The following SCN4B variants were observed in gnomAD, a reference collection of about 807,000 sequenced individuals.
SCN4B encodes sodium channel regulatory subunit beta-4.
Under a neutral mutation model 19.6 loss-of-function variants are expected in SCN4B, and 20 were observed. That is an observed-to-expected ratio of 1.02 (90% CI 0.72 to 1.48). The LOEUF (loss-of-function observed/expected upper bound fraction) is 1.48. Ranked by LOEUF, SCN4B falls within the 40% of genes most tolerant of loss-of-function variation. SCN4B has a pLI of 0.00. For synonymous variants in SCN4B, 127 were observed against 122.8 expected (o/e 1.03, Z -0.22); for missense variants, 271 against 287.5 (o/e 0.94, Z 0.42).
In SCN4B at chr11:118,148,152, G is replaced by A. The variant is rs1245450415; in HGVS notation, c.62-2923C>T. Among the ~76,000 whole-genome samples the A allele has an allele frequency of 2.0e-5, 3 of 152,216 alleles. No individual in the cohort carries two copies. The highest frequency in any genetic ancestry group is 7.2e-5 in the African/African-American group (3 of 41,462). On this transcript the variant is annotated intron_variant, in intron 1 of 4. Coordinates refer to ENST00000324727, the MANE Select transcript of SCN4B (RefSeq NM_174934.4). The surrounding 1 kb of genome is among the most constrained non-coding windows in gnomAD (Gnocchi z 4.0). ...GCCATTTCCTCAGTAGCTGGGAGGG[G>A]AAAATGAAAACCGGCAGAAATGGTT...
intron 1 of SCN4B, 83 bp from the exon 2 acceptor site, chr11:118,145,312 C>A (rs748071872): frequency 1.3e-6 from 2 of 1,594,986 alleles, no homozygotes; most frequent in Non-Finnish European, 8.5e-7. Context: ...GGCGGAGTAG[C>A]TTGGCCAGGC....
Position 118,152,730 on chromosome 11 carries a change from C to A in SCN4B, c.-57G>T. On this transcript the variant is annotated 5_prime_UTR_variant, in exon 1 of 5. Transcript: ENST00000324727. Reference sequence around the variant, plus strand: ...GCGGGGATGGGATACTGGGCACAGCCGCGCTCTCCGCCCGAGGTCGGCGTT... The same window carrying A: ...GCGGGGATGGGATACTGGGCACAGCAGCGCTCTCCGCCCGAGGTCGGCGTT... 1 of 1,392,156 alleles carries A rather than the reference C, an allele frequency of 7.2e-7. No individual in the cohort carries two copies. Among genetic ancestry groups the A allele is most frequent in the Non-Finnish European group, 9.8e-7 (1 of 1,015,484 alleles). 86.2% of individuals were successfully genotyped at this position (1,392,156 alleles called of 1,614,324 possible). A position where few individuals can be genotyped will look rare whatever the true frequency, so the allele number is the denominator to read the frequency against.
chr11:118,137,323 C>T (rs1356831394), intron 4 of SCN4B, among the ~76,000 whole-genome samples: 5 of 152,286 alleles, frequency 3.3e-5, no homozygotes, highest in South Asian at 2.1e-4. Flanking sequence ...TGACCTTCTG[C>T]GTGGGGTTGC....
chr11:118,140,123 G>T (rs1345765321), intron 4 of SCN4B, among the ~76,000 whole-genome samples: 1 of 152,070 alleles, frequency 6.6e-6, no homozygotes, highest in African/African-American at 2.4e-5. Flanking sequence ...TGACAAATTT[G>T]TTCTCCATCC....
At chr11:118,149,941 C>T (rs189937211) in intron 1 of SCN4B, among the ~76,000 whole-genome samples, 70 of 152,318 alleles carry the variant, frequency 4.6e-4, no homozygotes, top group African/African-American at 1.5e-3. Flanking sequence ...CAGATTCAAA[C>T]CCAGGATTCC....
In SCN4B at chr11:118,134,573, C is replaced by T. The variant is rs1358222449; in HGVS notation, c.*2454G>A. ...AATGCCCCCCCTACAATCTCAGTCA[C>T]CTCTATTGAAAACCATCAAACAAAA... On this transcript the variant is annotated 3_prime_UTR_variant, in exon 5 of 5. Coordinates refer to ENST00000324727, the MANE Select transcript of SCN4B (RefSeq NM_174934.4). 1 of 454,082 alleles carries T rather than the reference C, an allele frequency of 2.2e-6. No individual in the cohort carries two copies. Among genetic ancestry groups the T allele is most frequent in the South Asian group, 1.6e-5 (1 of 64,476 alleles). 28.1% of individuals were successfully genotyped at this position (454,082 alleles called of 1,614,324 possible). A position where few individuals can be genotyped will look rare whatever the true frequency, so the allele number is the denominator to read the frequency against.
In SCN4B at chr11:118,136,342, G is replaced by A. The variant is rs1484818460; in HGVS notation, c.*685C>T. ...CCCCTCAGTAACCCAGAGAGCAGAG[G>A]AGCAGGCTAGGTGGCCAGGAACCCT... On this transcript the variant is annotated 3_prime_UTR_variant, in exon 5 of 5. Transcript: ENST00000324727. 2.2e-6 allele frequency: 1 copy of A among 453,918 alleles called. No individual in the cohort carries two copies. Among genetic ancestry groups the A allele is most frequent in the Admixed American group, 2.3e-5 (1 of 42,576 alleles). The allele number at this position is 453,918 out of a possible 1,614,324, so 28.1% of individuals were successfully genotyped here. A position where few individuals can be genotyped will look rare whatever the true frequency, so the allele number is the denominator to read the frequency against.
Position 118,136,038 on chromosome 11 carries a change from G to GC in SCN4B, c.*988_*989insG, listed in dbSNP as rs5795119. ...GGCAGGGCGTGATGGAGGGCACGGT[G>GC]GGGGGGGGGGAGCGAGCCAATGGGA... On this transcript the variant is annotated 3_prime_UTR_variant, in exon 5 of 5. Transcript: ENST00000324727. 6.8e-5 allele frequency: 4 copies of GC among 59,162 alleles called. No homozygotes were observed. The highest frequency in any genetic ancestry group is 5.1e-4 in the African/African-American group (4 of 7,874). The allele number at this position is 59,162 out of a possible 1,614,324, so 3.7% of individuals were successfully genotyped here.
chr11:118,135,385 A>T lies in SCN4B; in HGVS notation c.*1642T>A, dbSNP rs545680911. Reference sequence around the variant, plus strand: ...TCTGAGGTAGACCCCAAACTCTCTGAAAAAGGGGGCTACTCCTCTCTCATC... The same window carrying T: ...TCTGAGGTAGACCCCAAACTCTCTGTAAAAGGGGGCTACTCCTCTCTCATC... On this transcript the variant is annotated 3_prime_UTR_variant, in exon 5 of 5. Coordinates refer to ENST00000324727, the MANE Select transcript of SCN4B (RefSeq NM_174934.4). 4.4e-6 allele frequency: 2 copies of T among 454,064 alleles called. No individual in the cohort carries two copies. The highest frequency in any genetic ancestry group is 3.1e-5 in the South Asian group (2 of 64,468). The allele number at this position is 454,064 out of a possible 1,614,324, so 28.1% of individuals were successfully genotyped here. A position where few individuals can be genotyped will look rare whatever the true frequency, so the allele number is the denominator to read the frequency against.
rs758149196 is a variant in SCN4B, at chr11:118,145,194, C to A, written c.97G>T (p.Val33Leu). ...FLLPVTLSLE[V>L]SVGKATDIYA... ...ATGTCGGTGGCCTTTCCCACAGACA[C>A]CTCCAGCGACAGGGTTACGGGGAGC... Residue 33 changes from valine (V) to leucine (L), a missense_variant, in exon 2 of 5, where the codon GTG becomes TTG. Coordinates refer to ENST00000324727, the MANE Select transcript of SCN4B (RefSeq NM_174934.4). The A allele has an allele frequency of 6.3e-7, 1 of 1,599,860 alleles. No homozygotes were observed. The highest frequency in any genetic ancestry group is 8.5e-7 in the Non-Finnish European group (1 of 1,174,116).
At chr11:118,140,215 C>T (rs902168478) in intron 4 of SCN4B, among the ~76,000 whole-genome samples, 1 of 152,226 alleles carries the variant, frequency 6.6e-6, no homozygotes, top group Non-Finnish European at 1.5e-5. Flanking sequence ...CCAAAACCCT[C>T]ACAGCCTCTG....
rs1948135001 is a variant in SCN4B at position 118,143,982 on chromosome 11, C to T, written c.314G>A (p.Gly105Asp). The change falls in exon 3 of 5, where the codon GGC becomes GAC. Residue 105 changes from glycine to aspartate, a missense_variant. Gly to Asp is a moderately conservative substitution (Grantham distance 94). Transcript: ENST00000324727. ...LKDDDRITLV[G>D]STKEKMNNIS... ...GTTGTTCATCTTCTCCTTAGTAGAG[C>T]CTACCAGAGTGATGCGGTCATCGTC... 6.2e-7 allele frequency: 1 copy of T among 1,614,140 alleles called. No homozygotes were observed. The highest frequency in any genetic ancestry group is 2.2e-5 in the East Asian group (1 of 44,886).
rs1948205655 is a variant in SCN4B at position 118,148,535 on chromosome 11, C to T, written c.62-3306G>A. On this transcript the variant is annotated intron_variant, in intron 1 of 4. Coordinates refer to ENST00000324727, the MANE Select transcript of SCN4B (RefSeq NM_174934.4). The surrounding 1 kb of genome is among the most constrained non-coding windows in gnomAD (Gnocchi z 4.0). ...CACATCCGGTGTGCATATCCCCAAGCCAGGGCAGGGATGCCTCTTTCCTAC... is the reference window on the plus strand; with the variant it reads ...CACATCCGGTGTGCATATCCCCAAGTCAGGGCAGGGATGCCTCTTTCCTAC... Among the ~76,000 whole-genome samples, 1 of 152,224 alleles carries T rather than the reference C, an allele frequency of 6.6e-6. No homozygotes were observed. The highest frequency in any genetic ancestry group is 1.5e-5 in the Non-Finnish European group (1 of 68,028).
chr11:118,147,513 G>A (rs1258887794), intron 1 of SCN4B, among the ~76,000 whole-genome samples: 2 of 152,128 alleles, frequency 1.3e-5, no homozygotes, highest in African/African-American at 4.8e-5. Context: ...CACTCTCCAA[G>A]AAAAACACTG....
rs529276857 is a variant in SCN4B at position 118,152,816 on chromosome 11, C to T, written c.-143G>A. ...GTCGGGGCTCGGGAAAGTTAGCGGG[C>T]AGAGAGCGAGAGGAGGGGGAGGGAG... On this transcript the variant is annotated 5_prime_UTR_variant, in exon 1 of 5. Transcript: ENST00000324727. 1 of 567,442 alleles carries T rather than the reference C, an allele frequency of 1.8e-6. No individual in the cohort carries two copies. Among genetic ancestry groups the T allele is most frequent in the African/African-American group, 1.9e-5 (1 of 52,318 alleles). The allele number at this position is 567,442 out of a possible 1,614,324, so 35.2% of individuals were successfully genotyped here.
rs904294071 is a variant in SCN4B, at chr11:118,135,582, G to A, written c.*1445C>T. On this transcript the variant is annotated 3_prime_UTR_variant, in exon 5 of 5. Coordinates refer to ENST00000324727, the MANE Select transcript of SCN4B (RefSeq NM_174934.4). Reference sequence around the variant, plus strand: ...CTCCCAACATCACCACCTCCCCCTAGGGCAGGCTAGAAACCCCAATGGGAG... The same window carrying A: ...CTCCCAACATCACCACCTCCCCCTAAGGCAGGCTAGAAACCCCAATGGGAG... 1 of 453,924 alleles carries A rather than the reference G, an allele frequency of 2.2e-6. No individual in the cohort carries two copies. The highest frequency in any genetic ancestry group is 4.4e-6 in the Non-Finnish European group (1 of 226,744). The allele number at this position is 453,924 out of a possible 1,614,324, so 28.1% of individuals were successfully genotyped here.
intron 1 of SCN4B, chr11:118,145,596 A>G: frequency 7.1e-6 from 4 of 565,494 alleles, no homozygotes; most frequent in South Asian, 5.7e-5. Flanking sequence ...CACCCACTCC[A>G]GGACGCGCAG....
intron 1 of SCN4B, 145 bp downstream of exon 1, chr11:118,152,468 A>G: frequency 1.5e-6 from 1 of 689,102 alleles, no homozygotes; most frequent in South Asian, 1.7e-5. Flanking sequence ...ACCAGGCAGG[A>G]ACCAGGCAGG....
chr11:118,145,836 G>C (rs1046330384), intron 1 of SCN4B: 1 of 181,372 alleles, frequency 5.5e-6, no homozygotes, highest in Non-Finnish European at 1.2e-5. Flanking sequence ...AGAAGGACAC[G>C]TTCGGGCTGG....
Sources: allele counts gnomAD v4.1 joint callset (sites outside exome capture counted in the v4.1 genomes callset), GRCh38; gene constraint gnomAD v4.1.1; non-coding constraint Gnocchi (gnomAD v3.1); transcripts MANE v1.5; gene names NCBI Gene and HGNC (gene_info 2026-07-23, HGNC 2026-07-21).